The following PMS2 variants were observed in gnomAD, a reference collection of about 807,000 sequenced individuals.
PMS2 encodes the protein mismatch repair endonuclease PMS2.
Under a neutral mutation model 90.0 loss-of-function variants are expected in PMS2, and 69 were observed. The observed-to-expected ratio is 0.77, with a 90% CI of 0.63 to 0.94. The LOEUF (loss-of-function observed/expected upper bound fraction) is 0.94, where lower values mean the gene tolerates loss of function less well. Among genes scored for constraint, PMS2 ranks in the 40% least tolerant of loss-of-function variants. The probability of loss-of-function intolerance (pLI) is 0.00; values close to 1 mark genes in which losing one functional copy is unlikely to be tolerated. For synonymous variants in PMS2, 332 were observed against 375.1 expected (o/e 0.89, Z 1.33); for missense variants, 966 against 1,040.2 (o/e 0.93, Z 0.98).
chr7:5,995,760 T>C (rs1364114252), intron 7 of PMS2, 127 bp from the exon 8 acceptor site: 21 of 740,340 alleles, frequency 2.8e-5, no homozygotes, highest in Middle Eastern at 2.4e-4. Flanking sequence ...AGGATCACTA[T>C]TGCAGTTCAC....
At chr7:6,004,188 C>T (rs1785448256) in intron 2 of PMS2, 130 bp from the exon 3 acceptor site, 1 of 637,996 alleles carries the variant, frequency 1.6e-6, no homozygotes, top group Non-Finnish European at 2.8e-6. Flanking sequence ...ATACTAGTGT[C>T]ATTTTGTATA....
intron 11 of PMS2, 117 bp from the exon 12 acceptor site, chr7:5,983,108 G>C (rs587779334): frequency 1.4e-6 from 2 of 1,427,354 alleles, no homozygotes; most frequent in Admixed American, 2.2e-5. Context: ...AAAGTCCCTA[G>C]CCATCCCGCT....
Position 5,987,818 on chromosome 7 carries a change from G to A in PMS2, c.1145-198C>T, listed in dbSNP as rs181787391. On this transcript the variant is annotated intron_variant, in intron 10 of 14. Transcript: ENST00000265849. ...GCCTGTTATCCCAGCACTTTAGGAGGCCAAGGCAGGGGGATCACATGAGGC... is the reference window on the plus strand; with the variant it reads ...GCCTGTTATCCCAGCACTTTAGGAGACCAAGGCAGGGGGATCACATGAGGC... 9.2e-5 allele frequency among the ~76,000 whole-genome samples: 14 copies of A among 152,170 alleles called. No individual in the cohort carries two copies. In the East Asian group the frequency reaches 2.7e-3, roughly 29 times the overall value.
rs2128749590 is a variant in PMS2, at chr7:5,990,026, C to T, written c.989-71G>A. 2.8e-6 allele frequency: 3 copies of T among 1,065,576 alleles called. No individual in the cohort carries two copies. The South Asian group carries it at 4.6e-5, about 16-fold the overall frequency. The allele number at this position is 1,065,576 out of a possible 1,614,324, so 66.0% of individuals were successfully genotyped here. On this transcript the variant is annotated intron_variant, in intron 9 of 14. Coordinates refer to ENST00000265849, the MANE Select transcript of PMS2 (RefSeq NM_000535.7). ...TATTTTATTTATTAATTATTATTTT[C>T]AGACAGCGTCTCACTCTGTCGCCTA...
chr7:5,995,726 A>C, intron 7 of PMS2, 93 bp from the exon 8 acceptor site: 1 of 886,904 alleles, frequency 1.1e-6, no homozygotes, highest in Non-Finnish European at 1.9e-6. Context: ...AAATGAAAAC[A>C]AAACACCAGG....
intron 4 of PMS2, 186 bp downstream of exon 4, chr7:6,003,504 C>T: frequency 1.7e-6 from 1 of 596,710 alleles, no homozygotes. Flanking sequence ...CTATTTGCTT[C>T]ATTTCATTCA....
chr7:5,993,898 A>AAACC (rs1416217489), intron 8 of PMS2, among the ~76,000 whole-genome samples: 2 of 150,098 alleles, frequency 1.3e-5, no homozygotes, highest in Non-Finnish European at 3.0e-5. Flanking sequence ...GGAAATATAG[A>AAACC]AACCATGTAA....
intron 8 of PMS2, among the ~76,000 whole-genome samples, chr7:5,994,373 T>C (rs1784129252): frequency 6.7e-6 from 1 of 150,346 alleles, no homozygotes; most frequent in South Asian, 2.1e-4. Flanking sequence ...AGGGCGAGAC[T>C]CCATCTCAAA....
intron 6 of PMS2, 92 bp downstream of exon 6, chr7:5,999,016 G>T: frequency 6.5e-6 from 8 of 1,235,626 alleles, no homozygotes; most frequent in Non-Finnish European, 8.2e-6. Context: ...TCAATTCTAA[G>T]ATTTTATTCT....
chr7:5,993,026 T>C lies in PMS2; in HGVS notation c.904-969A>G, dbSNP rs533778730. The stretch of plus-strand genomic sequence containing the variant: ...ATCCATCACACTATAGGTTAAAAAA[T>C]TTAGAAGTTCAACCACATCTGGCAG... On this transcript the variant is annotated intron_variant, in intron 8 of 14. Coordinates refer to ENST00000265849, the MANE Select transcript of PMS2 (RefSeq NM_000535.7). Among the ~76,000 whole-genome samples, 51 of 152,248 alleles carry C rather than the reference T, an allele frequency of 3.3e-4. No homozygotes were observed. In the South Asian group the frequency reaches 9.9e-3, roughly 30 times the overall value.
At chr7:5,989,684 G>T in intron 10 of PMS2, 116 bp downstream of exon 10, 1 of 769,080 alleles carries the variant, frequency 1.3e-6, no homozygotes, top group Non-Finnish European at 2.1e-6. Context: ...AATTAAAAAT[G>T]ATAAAATAAT....
intron 11 of PMS2, among the ~76,000 whole-genome samples, chr7:5,984,164 G>A (rs1238970110): frequency 6.6e-6 from 1 of 151,810 alleles, no homozygotes; most frequent in Admixed American, 6.6e-5. Context: ...TGTACTTCTT[G>A]ACGGGAAATC....
intron 9 of PMS2, among the ~76,000 whole-genome samples, chr7:5,990,874 G>A (rs1438305482): frequency 2.6e-5 from 4 of 152,090 alleles, no homozygotes; most frequent in Non-Finnish European, 5.9e-5. Flanking sequence ...AATTAGTCAG[G>A]CATGGTGGCA....
At chr7:5,978,344 C>G (rs1168732123) in intron 13 of PMS2, among the ~76,000 whole-genome samples, 1 of 147,122 alleles carries the variant, frequency 6.8e-6, no homozygotes, top group East Asian at 2.0e-4. Flanking sequence ...GATCTCGGCT[C>G]ACTGCAACCT....
intron 8 of PMS2, among the ~76,000 whole-genome samples, chr7:5,992,312 CA>C (rs1387578261): frequency 6.6e-6 from 1 of 150,412 alleles, no homozygotes; most frequent in Non-Finnish European, 1.5e-5. Flanking sequence ...GGATTACAGG[CA>C]GGATTTTTTT....
At position 5,986,999 on chromosome 7, in the gene PMS2, T is replaced by A. The variant is rs774767419; in HGVS notation, c.1766A>T (p.Asp589Val). The stretch of plus-strand genomic sequence containing the variant: ...AGTATTTACTAACTTTTGACAAATG[T>A]CAGAACTGGAAAGAATTTCTTCTTT... ...FKKEEILSSS[D>V]ICQKLVNTQD... is the part of the protein sequence containing the mutation. Residue 589 changes from aspartate (D) to valine (V), a missense_variant, in exon 11 of 15, where the codon GAC becomes GTC. Asp to Val is a radical substitution (Grantham distance 152, BLOSUM62 -3). Coordinates refer to ENST00000265849, the MANE Select transcript of PMS2 (RefSeq NM_000535.7). The A allele has an allele frequency of 6.2e-7, 1 of 1,614,216 alleles. No homozygotes were observed. Among genetic ancestry groups the A allele is most frequent in the East Asian group, 2.2e-5 (1 of 44,886 alleles).
At chr7:5,981,542 A>C (rs930568423) in intron 12 of PMS2, among the ~76,000 whole-genome samples, 4 of 149,454 alleles carry the variant, frequency 2.7e-5, no homozygotes, top group African/African-American at 1.0e-4. Flanking sequence ...CCCTGCATCC[A>C]ACCTGCAGTG....
intron 8 of PMS2, among the ~76,000 whole-genome samples, chr7:5,993,862 CA>C (rs61677497): frequency 0.069 from 2,670 of 38,564 alleles, 6 homozygotes; most frequent in Middle Eastern, 0.14. Context: ...GACTCTGTCT[CA>C]AAAAAAAAAA....
chr7:5,997,888 C>G (rs1405292308), intron 6 of PMS2, among the ~76,000 whole-genome samples: 3 of 151,958 alleles, frequency 2.0e-5, no homozygotes, highest in Non-Finnish European at 4.4e-5. Flanking sequence ...GCCGTGGGAA[C>G]AACAATTTTG....
Sources: allele counts gnomAD v4.1 joint callset (sites outside exome capture counted in the v4.1 genomes callset), GRCh38; gene constraint gnomAD v4.1.1; transcripts MANE v1.5; gene names NCBI Gene and HGNC (gene_info 2026-07-23, HGNC 2026-07-21).